CTNNA3: variants seen among roughly 807,000 people sequenced by gnomAD.
CTNNA3 encodes catenin alpha 3, also known as catenin alpha-3.
CTNNA3 carries 76 observed loss-of-function variants against 95.7 expected under a neutral mutation model. That is an observed-to-expected ratio of 0.79 (90% CI 0.66 to 0.96). The LOEUF is 0.96. Among genes scored for constraint, CTNNA3 ranks in the 40% least tolerant of loss-of-function variants. The pLI, the probability that CTNNA3 is intolerant of heterozygous loss-of-function variation, is 0.00. For synonymous variants in CTNNA3, 431 were observed against 374.4 expected, an observed-to-expected ratio of 1.15 and a Z score of -1.74; for missense variants, 1,191 against 1,089.8, an observed-to-expected ratio of 1.09 and a Z score of -1.31.
chr10:67,407,148 C>T (rs559703831), intron 5 of CTNNA3, among the ~76,000 whole-genome samples: 2 of 152,214 alleles, frequency 1.3e-5, no homozygotes, highest in South Asian at 4.1e-4. Context: ...CCTTGATAAA[C>T]ATTGATACCA....
chr10:65,935,306 T>C (rs936098839), intron 17 of CTNNA3, among the ~76,000 whole-genome samples: 1 of 152,198 alleles, frequency 6.6e-6, no homozygotes, highest in African/African-American at 2.4e-5. Context: ...TTTTCAGAGA[T>C]GGATCTGCCA....
chr10:66,900,071 C>G (rs1845672786), intron 7 of CTNNA3, among the ~76,000 whole-genome samples: 1 of 152,140 alleles, frequency 6.6e-6, no homozygotes, highest in Non-Finnish European at 1.5e-5. Flanking sequence ...CTCTGTGTAG[C>G]CTGACTGGGA....
chr10:66,032,871 G>T (rs990732788), intron 15 of CTNNA3, among the ~76,000 whole-genome samples: 9 of 152,108 alleles, frequency 5.9e-5, no homozygotes, highest in African/African-American at 1.9e-4. Context: ...GTAGTTGGTG[G>T]TATTCAATTT....
intron 5 of CTNNA3, among the ~76,000 whole-genome samples, chr10:67,283,782 C>G (rs1221348472): frequency 6.6e-6 from 1 of 152,178 alleles, no homozygotes; most frequent in African/African-American, 2.4e-5. Context: ...GCCCCTCGGT[C>G]AAATTCTTTC....
Position 66,109,661 on chromosome 10 carries a change from T to C in CTNNA3, c.1885-6412A>G, listed in dbSNP as rs187135615. On this transcript the variant is annotated intron_variant, in intron 13 of 17. Coordinates refer to ENST00000433211, the MANE Select transcript of CTNNA3 (RefSeq NM_013266.4). The stretch of plus-strand genomic sequence containing the variant: ...AAATAAATTTACTTGCAAATAAGTA[T>C]GTAAACTGAAAGTCATATCCCATAT... 5.3e-5 allele frequency among the ~76,000 whole-genome samples: 8 copies of C among 152,178 alleles called. No individual in the cohort carries two copies. The South Asian group carries it at 6.2e-4, about 12-fold the overall frequency.
chr10:66,856,802 T>TA (rs1249280222), intron 7 of CTNNA3, among the ~76,000 whole-genome samples: 4 of 152,152 alleles, frequency 2.6e-5, no homozygotes, highest in Non-Finnish European at 5.9e-5. Context: ...TTCTGAATAT[T>TA]AGACTTTTGT....
intron 3 of CTNNA3, among the ~76,000 whole-genome samples, chr10:67,585,306 T>C (rs1842587102): frequency 6.6e-6 from 1 of 152,198 alleles, no homozygotes; most frequent in African/African-American, 2.4e-5. Flanking sequence ...TTTTCTTTTA[T>C]ATGTGTCACC....
At chr10:67,055,343 G>A (rs192424336) in intron 7 of CTNNA3, among the ~76,000 whole-genome samples, 9 of 152,270 alleles carry the variant, frequency 5.9e-5, no homozygotes, top group Middle Eastern at 3.4e-3. Context: ...AAGATTTTAT[G>A]AGGCTAGAGT....
At chr10:66,370,646 T>G (rs893004994) in intron 12 of CTNNA3, among the ~76,000 whole-genome samples, 2 of 152,076 alleles carry the variant, frequency 1.3e-5, no homozygotes, top group African/African-American at 4.8e-5. Flanking sequence ...CTGCAGAGCC[T>G]CTGATCCCCT....
intron 5 of CTNNA3, among the ~76,000 whole-genome samples, chr10:67,359,870 C>G (rs554854953): frequency 6.6e-6 from 1 of 152,114 alleles, no homozygotes; most frequent in East Asian, 1.9e-4. Flanking sequence ...AAATGCTAAA[C>G]AAGAAGATCA....
chr10:66,112,147 A>G (rs1445507458), intron 13 of CTNNA3, among the ~76,000 whole-genome samples: 2 of 152,160 alleles, frequency 1.3e-5, no homozygotes, highest in Non-Finnish European at 2.9e-5. Context: ...TCAATTCAAA[A>G]TAGGGTTAAT....
intron 16 of CTNNA3, among the ~76,000 whole-genome samples, chr10:65,968,803 G>C (rs1305551737): frequency 6.6e-6 from 1 of 152,164 alleles, no homozygotes; most frequent in African/African-American, 2.4e-5. Flanking sequence ...GAGAATTTGA[G>C]GACAAGAAAG....
In CTNNA3 at chr10:67,575,512, T is replaced by C. The variant is rs114586216; in HGVS notation, c.292+31345A>G. On this transcript the variant is annotated intron_variant, in intron 3 of 17. Transcript: ENST00000433211. Reference sequence around the variant, plus strand: ...AAAGCCCTCATTTTATGACTTGGGGTTAAGCGTTGAGCTGTTGGCAAACAG... The same window carrying C: ...AAAGCCCTCATTTTATGACTTGGGGCTAAGCGTTGAGCTGTTGGCAAACAG... Among the ~76,000 whole-genome samples the C allele has an allele frequency of 3.1e-3, 470 of 152,250 alleles. 4 individuals are homozygous for C. The highest frequency in any genetic ancestry group is 0.011 in the African/African-American group (459 of 41,548).
At chr10:66,574,333 G>C (rs974621818) in intron 10 of CTNNA3, among the ~76,000 whole-genome samples, 1 of 151,876 alleles carries the variant, frequency 6.6e-6, no homozygotes, top group Non-Finnish European at 1.5e-5. Context: ...AATTATCACC[G>C]AAAAATCCAG....
intron 7 of CTNNA3, among the ~76,000 whole-genome samples, chr10:66,828,789 C>T (rs1842605695): frequency 6.6e-6 from 1 of 152,250 alleles, no homozygotes; most frequent in Non-Finnish European, 1.5e-5. Context: ...ATAGTCTGCC[C>T]AAGATAATTC....
intron 5 of CTNNA3, among the ~76,000 whole-genome samples, chr10:67,497,026 GCACCCTT>G (rs1164146615): frequency 1.4e-4 from 22 of 152,214 alleles, no homozygotes; most frequent in African/African-American, 5.1e-4. Flanking sequence ...GTGGTTTGCT[GCACCCTT>G]CAACCCGTCA....
intron 1 of CTNNA3, among the ~76,000 whole-genome samples, chr10:67,727,063 TATAATATATGATA>T (rs1223092935): frequency 1.7e-3 from 190 of 111,938 alleles, no homozygotes; most frequent in African/African-American, 7.0e-3. Context: ...TATAATTATA[TATAATATATGATA>T]CATATATGAT....
At chr10:66,591,429 A>G (rs1018513153) in intron 10 of CTNNA3, among the ~76,000 whole-genome samples, 1 of 152,176 alleles carries the variant, frequency 6.6e-6, no homozygotes, top group African/African-American at 2.4e-5. Flanking sequence ...ATCATTTTGA[A>G]TAAGAGCAGC....
chr10:66,427,244 C>T (rs1209786264), intron 11 of CTNNA3, among the ~76,000 whole-genome samples: 3 of 151,930 alleles, frequency 2.0e-5, no homozygotes, highest in Non-Finnish European at 4.4e-5. Flanking sequence ...GCCCAGGATA[C>T]CTTTGGTTCT....
Sources: gnomAD v4.1 joint callset for allele counts (sites outside exome capture counted in the v4.1 genomes callset) on GRCh38, gnomAD v4.1.1 for gene constraint, MANE v1.5 for transcripts, NCBI Gene and HGNC (gene_info 2026-07-23, HGNC 2026-07-21) for gene names.